The following ARB2A variants were observed in gnomAD, a reference collection of about 807,000 sequenced individuals.
ARB2A encodes ARB2 cotranscriptional regulator A.
At chr5:93,805,313 A>G in the ARB2A span, 2 of 984,992 alleles carry the variant, frequency 2.0e-6, no homozygotes, top group African/African-American at 1.7e-5. Context: ...CTCCTTCACT[A>G]TATAAAGGAA....
the ARB2A span, among the ~76,000 whole-genome samples, chr5:93,905,279 C>T: frequency 2.6e-5 from 4 of 151,596 alleles, no homozygotes; most frequent in Non-Finnish European, 5.9e-5. Context: ...AATTAGAAGA[C>T]AGCCATGAAA....
chr5:93,782,640 C>T, the ARB2A span, among the ~76,000 whole-genome samples: 1 of 152,112 alleles, frequency 6.6e-6, no homozygotes, highest in Non-Finnish European at 1.5e-5. Flanking sequence ...CTATAACTTA[C>T]CGAACTTTTT....
At chr5:93,782,133 G>A in the ARB2A span, among the ~76,000 whole-genome samples, 14 of 152,062 alleles carry the variant, frequency 9.2e-5, no homozygotes, top group East Asian at 1.9e-4. Context: ...TTTTGTTCTC[G>A]TTTTGGAGAA....
chr5:94,079,725 A>G, the ARB2A span, among the ~76,000 whole-genome samples: 6 of 152,220 alleles, frequency 3.9e-5, no homozygotes, highest in Non-Finnish European at 8.8e-5. Context: ...CTATCTTAGT[A>G]TATTTAGTTT....
At chr5:93,914,942 C>T in the ARB2A span, among the ~76,000 whole-genome samples, 12 of 151,996 alleles carry the variant, frequency 7.9e-5, no homozygotes, top group East Asian at 1.7e-3. Flanking sequence ...ATGCTATAAA[C>T]GTGAATGGAA....
the ARB2A span, among the ~76,000 whole-genome samples, chr5:94,029,748 T>A: frequency 6.6e-6 from 1 of 152,208 alleles, no homozygotes; most frequent in Admixed American, 6.5e-5. Flanking sequence ...GTGCAAATAT[T>A]CTATTCCTTC....
chr5:93,677,559 G>T, the ARB2A span, among the ~76,000 whole-genome samples: 1 of 152,212 alleles, frequency 6.6e-6, no homozygotes, highest in Non-Finnish European at 1.5e-5. Flanking sequence ...AAATAATCAA[G>T]CTTTGTGGCC....
At chr5:94,107,530 T>TA in the ARB2A span, among the ~76,000 whole-genome samples, 12,254 of 130,618 alleles carry the variant, frequency 0.094, 706 homozygotes, top group Middle Eastern at 0.17. Flanking sequence ...ATTCAATAGT[T>TA]AAAAAAAAAA....
At chr5:93,673,633 T>G in the ARB2A span, among the ~76,000 whole-genome samples, 1 of 152,222 alleles carries the variant, frequency 6.6e-6, no homozygotes, top group Admixed American at 6.5e-5. Context: ...TTATTCTGAC[T>G]GCCTTTAGTC....
At chr5:93,808,221 TC>T in the ARB2A span, among the ~76,000 whole-genome samples, 1 of 152,020 alleles carries the variant, frequency 6.6e-6, no homozygotes, top group Non-Finnish European at 1.5e-5. Flanking sequence ...TAAAAACTCT[TC>T]CTGGGATCTG....
At chr5:93,885,938 C>T in the ARB2A span, among the ~76,000 whole-genome samples, 1 of 151,646 alleles carries the variant, frequency 6.6e-6, no homozygotes, top group Non-Finnish European at 1.5e-5. Flanking sequence ...CAAATGATGG[C>T]TTAGGTCAGA....
the ARB2A span, chr5:93,621,216 C>G: frequency 6.4e-5 from 83 of 1,303,244 alleles, no homozygotes; most frequent in Non-Finnish European, 8.3e-5. Flanking sequence ...AGCCCCGGCT[C>G]CCGACCACCC....
the ARB2A span, among the ~76,000 whole-genome samples, chr5:93,894,323 T>C: frequency 6.6e-6 from 1 of 152,138 alleles, no homozygotes; most frequent in Non-Finnish European, 1.5e-5. Flanking sequence ...TTAGGAACTG[T>C]CTAAAGCAAG....
chr5:93,676,928 T>C, the ARB2A span, among the ~76,000 whole-genome samples: 1 of 152,192 alleles, frequency 6.6e-6, no homozygotes, highest in East Asian at 1.9e-4. Flanking sequence ...CCACGCCATG[T>C]CACGGTGCCA....
chr5:93,942,700 A>T, the ARB2A span, among the ~76,000 whole-genome samples: 1 of 151,660 alleles, frequency 6.6e-6, no homozygotes, highest in Non-Finnish European at 1.5e-5. Context: ...TATCTTTTTA[A>T]ATATTAAAGT....
chr5:93,813,142 T>C, the ARB2A span, among the ~76,000 whole-genome samples: 4 of 152,176 alleles, frequency 2.6e-5, no homozygotes, highest in Admixed American at 2.0e-4. Flanking sequence ...CACCTGTCTA[T>C]GGCATTTTTG....
chr5:94,019,771 C>A, the ARB2A span, among the ~76,000 whole-genome samples: 20 of 152,150 alleles, frequency 1.3e-4, no homozygotes, highest in Non-Finnish European at 7.4e-5. Flanking sequence ...CCCAGCAATC[C>A]CATTACTGGG....
the ARB2A span, among the ~76,000 whole-genome samples, chr5:93,824,683 C>T: frequency 6.6e-6 from 1 of 151,910 alleles, no homozygotes; most frequent in Non-Finnish European, 1.5e-5. Context: ...AACTACAAGT[C>T]AGAAGGAGCC....
At chr5:93,769,155 A>G in the ARB2A span, among the ~76,000 whole-genome samples, 1 of 152,182 alleles carries the variant, frequency 6.6e-6, no homozygotes, top group African/African-American at 2.4e-5. Flanking sequence ...GAAAAACTAC[A>G]GTATTAAATA....
Sources: gnomAD v4.1 joint callset for allele counts (sites outside exome capture counted in the v4.1 genomes callset) on GRCh38, gnomAD v4.1.1 for gene constraint, MANE v1.5 for transcripts, NCBI Gene and HGNC (gene_info 2026-07-23, HGNC 2026-07-21) for gene names.